Variants in AGBL1 observed in about 807,000 individuals in gnomAD.
AGBL1 encodes the protein AGBL carboxypeptidase 1.
Under a neutral mutation model 118.9 loss-of-function variants are expected in AGBL1, and 130 were observed. The observed-to-expected ratio is 1.09, with a 90% CI of 0.95 to 1.26. The LOEUF (loss-of-function observed/expected upper bound fraction) is 1.26. Ranked by LOEUF, AGBL1 falls within the 50% of genes most tolerant of loss-of-function variation. The probability of loss-of-function intolerance (pLI) is 0.00; values close to 1 mark genes in which losing one functional copy is unlikely to be tolerated. For synonymous variants in AGBL1, 555 were observed against 478.9 expected, an observed-to-expected ratio of 1.16 and a Z score of -2.08; for missense variants, 1,584 against 1,298.1, an observed-to-expected ratio of 1.22 and a Z score of -3.38.
At chr15:86,867,884 A>G (rs2079655569) in intron 22 of AGBL1, among the ~76,000 whole-genome samples, 1 of 152,212 alleles carries the variant, frequency 6.6e-6, no homozygotes, top group South Asian at 2.1e-4. Context: ...ATGGCCGTCC[A>G]ATATACAGAT....
intron 23 of AGBL1, among the ~76,000 whole-genome samples, chr15:86,974,513 TATATATA>T (rs1208488723): frequency 1.7e-5 from 2 of 119,620 alleles, no homozygotes; most frequent in Non-Finnish European, 3.6e-5. Context: ...TGAATATAAA[TATATATA>T]ATATATATTA....
chr15:86,581,700 G>C (rs1381468489), intron 21 of AGBL1, among the ~76,000 whole-genome samples: 1 of 152,006 alleles, frequency 6.6e-6, no homozygotes, highest in African/African-American at 2.4e-5. Flanking sequence ...ATGTTACCTA[G>C]AAATCAAATC....
intron 22 of AGBL1, among the ~76,000 whole-genome samples, chr15:86,786,736 G>C (rs2078417382): frequency 6.6e-6 from 1 of 152,122 alleles, no homozygotes. Context: ...ATGTGTTCTT[G>C]AGACATATGC....
chr15:86,203,276 A>T (rs566782930), intron 5 of AGBL1, among the ~76,000 whole-genome samples: 1 of 152,200 alleles, frequency 6.6e-6, no homozygotes, highest in Non-Finnish European at 1.5e-5. Context: ...AGAGCCTGAG[A>T]GCTTGATAGC....
At chr15:86,341,331 A>G (rs1372830606) in intron 17 of AGBL1, among the ~76,000 whole-genome samples, 5 of 152,078 alleles carry the variant, frequency 3.3e-5, no homozygotes, top group African/African-American at 1.2e-4. Context: ...GACAATTGGC[A>G]TTTCTGGGTT....
intron 19 of AGBL1, among the ~76,000 whole-genome samples, chr15:86,537,671 G>A (rs984587849): frequency 8.5e-5 from 13 of 152,124 alleles, no homozygotes; most frequent in African/African-American, 9.7e-5. Context: ...TTAAAATGTC[G>A]TGTTTGGAAA....
At chr15:87,011,424 A>G (rs1366460474) in intron 24 of AGBL1, among the ~76,000 whole-genome samples, 1 of 152,240 alleles carries the variant, frequency 6.6e-6, no homozygotes, top group East Asian at 1.9e-4. Flanking sequence ...AAAAGGGGGA[A>G]TATTATGTAA....
chr15:86,748,780 A>T (rs56285192), intron 22 of AGBL1, among the ~76,000 whole-genome samples: 23,008 of 151,504 alleles, frequency 0.15, 1,924 homozygotes, highest in East Asian at 0.25. Context: ...CTTTCCCCAT[A>T]TCTTGTTTTT....
At chr15:87,022,828 A>G (rs967266333) in intron 24 of AGBL1, among the ~76,000 whole-genome samples, 1 of 152,102 alleles carries the variant, frequency 6.6e-6, no homozygotes, top group Non-Finnish European at 1.5e-5. Context: ...CAAAACAACT[A>G]TCAGCCAAGA....
rs560699158 is a variant in AGBL1 at position 87,002,184 on chromosome 15, G to C, written c.3323+14096G>C. ...GGTATAAGGAAGGGATCCAGTTTCAGCTTTCTACAGATGGCTAGCCAGTTT... is the reference window on the plus strand; with the variant it reads ...GGTATAAGGAAGGGATCCAGTTTCACCTTTCTACAGATGGCTAGCCAGTTT... On this transcript the variant is annotated intron_variant, in intron 24 of 24. Transcript: ENST00000441037. 3.9e-5 allele frequency among the ~76,000 whole-genome samples: 6 copies of C among 152,208 alleles called. No individual in the cohort carries two copies. The South Asian group carries it at 8.3e-4, about 21-fold the overall frequency.
At chr15:86,820,368 G>A (rs889739499) in intron 22 of AGBL1, among the ~76,000 whole-genome samples, 3 of 151,988 alleles carry the variant, frequency 2.0e-5, no homozygotes, top group Admixed American at 6.6e-5. Flanking sequence ...CTACAGAATG[G>A]GAGAAAATTT....
chr15:86,524,291 C>T (rs113352833), intron 19 of AGBL1, among the ~76,000 whole-genome samples: 160 of 152,282 alleles, frequency 1.1e-3, no homozygotes, highest in African/African-American at 3.7e-3. Flanking sequence ...TCCGCAGGCT[C>T]AGTGATTCCT....
At chr15:86,224,392 C>T (rs890372513) in intron 5 of AGBL1, among the ~76,000 whole-genome samples, 1 of 152,116 alleles carries the variant, frequency 6.6e-6, no homozygotes, top group African/African-American at 2.4e-5. Context: ...CCCAACATAA[C>T]TATTTTCCAC....
intron 21 of AGBL1, among the ~76,000 whole-genome samples, chr15:86,665,934 G>T (rs1454311482): frequency 6.6e-6 from 1 of 151,884 alleles, no homozygotes; most frequent in Non-Finnish European, 1.5e-5. Context: ...CCTTTGATCT[G>T]CCTGCCATGT....
intron 22 of AGBL1, among the ~76,000 whole-genome samples, chr15:86,820,413 C>T (rs1023706778): frequency 1.3e-5 from 2 of 152,038 alleles, no homozygotes; most frequent in African/African-American, 4.8e-5. Context: ...GGCTAATACC[C>T]AGAATATACA....
chr15:86,101,900 C>G (rs1455528505), intron 1 of AGBL1, among the ~76,000 whole-genome samples: 3 of 152,010 alleles, frequency 2.0e-5, no homozygotes, highest in Admixed American at 6.6e-5. Flanking sequence ...AGGGCTTATT[C>G]CTGTCATTTT....
intron 24 of AGBL1, among the ~76,000 whole-genome samples, chr15:86,994,677 C>G (rs2081364714): frequency 1.3e-5 from 2 of 152,100 alleles, no homozygotes; most frequent in African/African-American, 4.8e-5. Context: ...GAAAAAAATG[C>G]TTAAAGAAAA....
intron 22 of AGBL1, among the ~76,000 whole-genome samples, chr15:86,746,895 T>C (rs1018344620): frequency 1.1e-4 from 17 of 152,094 alleles, no homozygotes; most frequent in African/African-American, 4.1e-4. Context: ...GAGACCCTAT[T>C]ACATGGTGAC....
chr15:86,396,188 T>C (rs984242791), intron 17 of AGBL1, among the ~76,000 whole-genome samples: 1 of 147,756 alleles, frequency 6.8e-6, no homozygotes, highest in African/African-American at 2.5e-5. Flanking sequence ...TATATATGTG[T>C]ATATATATAA....
Sources: gnomAD v4.1 joint callset for allele counts (sites outside exome capture counted in the v4.1 genomes callset) on GRCh38, gnomAD v4.1.1 for gene constraint, MANE v1.5 for transcripts, NCBI Gene and HGNC (gene_info 2026-07-23, HGNC 2026-07-21) for gene names.